BCAS3: variants seen among roughly 807,000 people sequenced by gnomAD.
The protein encoded by BCAS3 is BCAS4/BCAS3 fusion.
BCAS3 carries 53 observed loss-of-function variants against 116.1 expected under a neutral mutation model. The ratio of observed to expected loss-of-function variants is 0.46; its 90% CI spans 0.37 to 0.57. The LOEUF (loss-of-function observed/expected upper bound fraction) is 0.57, where lower values mean the gene tolerates loss of function less well. Among genes scored for constraint, BCAS3 ranks in the 20% least tolerant of loss-of-function variants. The pLI, the probability that BCAS3 is intolerant of heterozygous loss-of-function variation, is 0.00. For synonymous variants in BCAS3, 391 were observed against 408.2 expected, an observed-to-expected ratio of 0.96 and a Z score of 0.51; for missense variants, 917 against 1,165.4, an observed-to-expected ratio of 0.79 and a Z score of 3.10.
intron 6 of BCAS3, among the ~76,000 whole-genome samples, chr17:60,795,765 C>T (rs1355385789): frequency 6.6e-6 from 1 of 152,172 alleles, no homozygotes; most frequent in East Asian, 1.9e-4. Flanking sequence ...TCTTGGCTCC[C>T]TGTAGCCTCC....
At chr17:61,284,930 CTGT>C (rs1304384602) in intron 22 of BCAS3, among the ~76,000 whole-genome samples, 2 of 152,162 alleles carry the variant, frequency 1.3e-5, no homozygotes, top group Non-Finnish European at 2.9e-5. Context: ...TAGCTAGTGC[CTGT>C]TGTTGAATGA....
At chr17:61,024,154 C>T (rs1030761377) in intron 16 of BCAS3, among the ~76,000 whole-genome samples, 1 of 152,102 alleles carries the variant, frequency 6.6e-6, no homozygotes, top group South Asian at 2.1e-4. Context: ...TATTTTCATT[C>T]CTTTGCTACT....
intron 22 of BCAS3, among the ~76,000 whole-genome samples, chr17:61,345,820 G>A (rs1054371594): frequency 6.6e-6 from 1 of 152,132 alleles, no homozygotes; most frequent in Non-Finnish European, 1.5e-5. Flanking sequence ...AGGACTCCAG[G>A]GGCAAGCAGG....
chr17:60,770,652 C>T (rs1216073845), intron 6 of BCAS3, among the ~76,000 whole-genome samples: 7 of 150,944 alleles, frequency 4.6e-5, no homozygotes, highest in East Asian at 2.0e-4. Flanking sequence ...CTCCTGACCT[C>T]GTGATCTGCC....
intron 22 of BCAS3, among the ~76,000 whole-genome samples, chr17:61,267,598 ATGGT>A (rs2049844841): frequency 1.3e-5 from 2 of 148,834 alleles, no homozygotes; most frequent in Non-Finnish European, 3.0e-5. Flanking sequence ...TTAGCTGGGC[ATGGT>A]GATGTGTGCC....
At chr17:60,976,020 C>CTTTTTTTGTTTTTTTT (rs2062327433) in intron 14 of BCAS3, among the ~76,000 whole-genome samples, 1 of 98,286 alleles carries the variant, frequency 1.0e-5, no homozygotes. Context: ...TAGATTTTTG[C>CTTTTTTTGTTTTTTTT]TTTTTTTTTT....
rs2143623904 is a variant in BCAS3, at chr17:61,095,521, G to A, written c.2425+10957G>A. On this transcript the variant is annotated intron_variant, in intron 22 of 23. Coordinates refer to ENST00000407086, the MANE Select transcript of BCAS3 (RefSeq NM_017679.5). This position sits in a 1 kb window ranked among gnomAD's most constrained non-coding sequence, Gnocchi z 4.7. ...CTCACTTTGTCATCCAGGTTGGAGT[G>A]TGGTGGTGCAATCTCGGTTCATTGC... Among the ~76,000 whole-genome samples the A allele has an allele frequency of 6.6e-6, 1 of 152,220 alleles. No individual in the cohort carries two copies. The highest frequency in any genetic ancestry group is 2.1e-4 in the South Asian group (1 of 4,822).
intron 22 of BCAS3, among the ~76,000 whole-genome samples, chr17:61,236,196 G>T (rs1486394139): frequency 6.6e-6 from 1 of 152,234 alleles, no homozygotes; most frequent in African/African-American, 2.4e-5. Flanking sequence ...CCCCACTCCT[G>T]TCAGAGTTCA....
rs1261870449 is a variant in BCAS3, at chr17:61,077,043, A to G, written c.2131-1290A>G. ...CAAAAATAAGGCATGTGGGAAGTCA[A>G]TTACATAAAGTATTTGCACAGGCAT... On this transcript the variant is annotated intron_variant, in intron 20 of 23. Coordinates refer to ENST00000407086, the MANE Select transcript of BCAS3 (RefSeq NM_017679.5). This position sits in a 1 kb window ranked among gnomAD's most constrained non-coding sequence, Gnocchi z 4.3. Among the ~76,000 whole-genome samples, 2 of 152,162 alleles carry G rather than the reference A, an allele frequency of 1.3e-5. No individual in the cohort carries two copies. Among genetic ancestry groups the G allele is most frequent in the South Asian group, 2.1e-4 (1 of 4,834 alleles).
At chr17:61,160,396 A>T (rs2078100680) in intron 22 of BCAS3, among the ~76,000 whole-genome samples, 1 of 152,038 alleles carries the variant, frequency 6.6e-6, no homozygotes, top group African/African-American at 2.4e-5. Flanking sequence ...TAATATACGG[A>T]ATTTCCGAGC....
chr17:60,886,976 G>T (rs2056711019), intron 9 of BCAS3: 1 of 156,398 alleles, frequency 6.4e-6, no homozygotes, highest in African/African-American at 2.4e-5. Flanking sequence ...GCTCCACCCA[G>T]TTGGAGCTTC....
chr17:60,744,209 C>G (rs934758095), intron 5 of BCAS3, among the ~76,000 whole-genome samples: 1 of 152,098 alleles, frequency 6.6e-6, no homozygotes, highest in African/African-American at 2.4e-5. Flanking sequence ...GTATTTATTG[C>G]TATTGTTGGT....
At chr17:61,142,337 A>G (rs2076969449) in intron 22 of BCAS3, among the ~76,000 whole-genome samples, 2 of 152,206 alleles carry the variant, frequency 1.3e-5, no homozygotes, top group Non-Finnish European at 2.9e-5. Context: ...TCTTGATGCT[A>G]GATGATGTGG....
At chr17:60,868,208 G>C (rs2054795087) in intron 7 of BCAS3, among the ~76,000 whole-genome samples, 1 of 151,688 alleles carries the variant, frequency 6.6e-6, no homozygotes, top group Admixed American at 6.6e-5. Context: ...TATTTTTTTA[G>C]TGGGGGCAGG....
intron 22 of BCAS3, among the ~76,000 whole-genome samples, chr17:61,238,141 C>G (rs986774152): frequency 1.3e-5 from 2 of 152,144 alleles, no homozygotes; most frequent in Non-Finnish European, 2.9e-5. Context: ...CAAACTCCAC[C>G]TCCTGGGTTC....
chr17:61,321,930 GTTT>G (rs2055248747), intron 22 of BCAS3, among the ~76,000 whole-genome samples: 5 of 150,478 alleles, frequency 3.3e-5, no homozygotes, highest in African/African-American at 1.2e-4. Context: ...TTTTTTGTTT[GTTT>G]GTTTGTTTGT....
Position 60,967,863 on chromosome 17 carries a change from T to G in BCAS3, c.1221+20511T>G, listed in dbSNP as rs573700415. ...GATGACTTCTTCAGTTCAGCAAATA[T>G]GTTTCTCAGTTCCAAGATTTCTATA... On this transcript the variant is annotated intron_variant, in intron 14 of 23. Transcript: ENST00000407086. This position sits in a 1 kb window ranked among gnomAD's most constrained non-coding sequence, Gnocchi z 4.7. Among the ~76,000 whole-genome samples the G allele has an allele frequency of 2.2e-3, 336 of 152,290 alleles. No individual in the cohort carries two copies. Among genetic ancestry groups the G allele is most frequent in the African/African-American group, 7.4e-3 (307 of 41,560 alleles).
At chr17:60,795,037 G>C (rs113741862) in intron 6 of BCAS3, among the ~76,000 whole-genome samples, 1 of 152,046 alleles carries the variant, frequency 6.6e-6, no homozygotes, top group Non-Finnish European at 1.5e-5. Flanking sequence ...ATCTGCGAGC[G>C]TGAGCATGGG....
intron 3 of BCAS3, 111 bp downstream of exon 3, chr17:60,684,147 T>A: frequency 1.0e-6 from 1 of 972,482 alleles, no homozygotes. Context: ...TTTTTGATGT[T>A]TTAGCATCCT....
Sources: allele counts gnomAD v4.1 joint callset (sites outside exome capture counted in the v4.1 genomes callset), GRCh38; gene constraint gnomAD v4.1.1; non-coding constraint Gnocchi (gnomAD v3.1); transcripts MANE v1.5; gene names NCBI Gene and HGNC (gene_info 2026-07-23, HGNC 2026-07-21).